DUSP28: variants seen among roughly 807,000 people sequenced by gnomAD.
DUSP28 encodes the protein dual specificity phosphatase 28.
A neutral mutation model predicts 8.4 loss-of-function variants in DUSP28; 11 were observed. The observed-to-expected ratio is 1.31, with a 90% CI of 0.83 to 2.17. The LOEUF (loss-of-function observed/expected upper bound fraction) is 2.17, where lower values mean the gene tolerates loss of function less well. DUSP28 is among the 30% of genes most tolerant of loss of function. DUSP28 has a pLI of 0.00. For missense variants in DUSP28, 373 were observed against 270.4 expected (o/e 1.38, Z -2.66); for synonymous variants, 178 against 130.9 (o/e 1.36, Z -2.46).
Position 240,560,383 on chromosome 2 carries a change from C to T in DUSP28, c.-302C>T. 1 of 275,014 alleles carries T rather than the reference C, an allele frequency of 3.6e-6. No homozygotes were observed. Among genetic ancestry groups the T allele is most frequent in the Non-Finnish European group, 6.7e-6 (1 of 149,444 alleles). 17.0% of individuals were successfully genotyped at this position (275,014 alleles called of 1,614,324 possible). Reference sequence around the variant, plus strand: ...CAGACGCAAGCCCAGTGCCACAGGCCGCGGGGGCGGGGAGGACGGCGCCCG... The same window carrying T: ...CAGACGCAAGCCCAGTGCCACAGGCTGCGGGGGCGGGGAGGACGGCGCCCG... On this transcript the variant is annotated 5_prime_UTR_variant, in exon 1 of 2. Coordinates refer to ENST00000405954, the MANE Select transcript of DUSP28 (RefSeq NM_001370465.2).
rs1306753915 is a variant in DUSP28 at position 240,560,989 on chromosome 2, A to C, written c.305A>C (p.Tyr102Ser). ...CGCGCCGGCGGCGCCTGCCTAGTCTACTGCAAGAACGGCCGCAGCCGCTCG... is the reference window on the plus strand; with the variant it reads ...CGCGCCGGCGGCGCCTGCCTAGTCTCCTGCAAGAACGGCCGCAGCCGCTCG... ...AVRAGGACLV[Y>S]CKNGRSRSAA... Residue 102 changes from tyrosine to serine, a missense_variant, in exon 1 of 2, where the codon TAC (tyrosine) becomes TCC (serine). Tyr to Ser is a moderately radical substitution (Grantham distance 144). Transcript: ENST00000405954. 2 of 1,543,824 alleles carry C rather than the reference A, an allele frequency of 1.3e-6. No individual in the cohort carries two copies. Among genetic ancestry groups the C allele is most frequent in the South Asian group, 1.2e-5 (1 of 85,350 alleles).
In DUSP28 at chr2:240,561,453, G is replaced by T; in HGVS notation, c.517G>T (p.Gly173Cys). The T allele has an allele frequency of 6.2e-7, 1 of 1,613,300 alleles. No homozygotes were observed. The highest frequency in any genetic ancestry group is 8.5e-7 in the Non-Finnish European group (1 of 1,179,870). The change falls in exon 2 of 2, where the codon GGC (glycine) becomes TGC (cysteine). Residue 173 changes from glycine to cysteine, a missense_variant. Gly to Cys is a radical substitution (Grantham distance 159). Transcript: ENST00000405954. ...LQGEPPALGL[G>C]PEA The stretch of plus-strand genomic sequence containing the variant: ...GGGAGAGCCCCCAGCCTTAGGGTTG[G>T]GCCCTGAGGCTTGAAGCTTGAAGGC...
Position 240,560,548 on chromosome 2 carries a change from C to T in DUSP28, c.-137C>T. Reference sequence around the variant, plus strand: ...GCCCGCGGGGGACCCAAGCCCCAGCCTGGTCCACCTCGGAGGCCTCTAGGA... The same window carrying T: ...GCCCGCGGGGGACCCAAGCCCCAGCTTGGTCCACCTCGGAGGCCTCTAGGA... On this transcript the variant is annotated 5_prime_UTR_variant, in exon 1 of 2. Coordinates refer to ENST00000405954, the MANE Select transcript of DUSP28 (RefSeq NM_001370465.2). 8.1e-7 allele frequency: 1 copy of T among 1,235,318 alleles called. No homozygotes were observed. Among genetic ancestry groups the T allele is most frequent in the Non-Finnish European group, 1.0e-6 (1 of 967,470 alleles). 76.5% of individuals were successfully genotyped at this position (1,235,318 alleles called of 1,614,324 possible). A position where few individuals can be genotyped will look rare whatever the true frequency, so the allele number is the denominator to read the frequency against.
rs896494258 is a variant in DUSP28 at position 240,562,829 on chromosome 2, G to A, written c.*1362G>A. 3.3e-5 allele frequency: 5 copies of A among 153,018 alleles called. No individual in the cohort carries two copies. The highest frequency in any genetic ancestry group is 1.2e-4 in the African/African-American group (5 of 41,464). 9.5% of individuals were successfully genotyped at this position (153,018 alleles called of 1,614,324 possible). On this transcript the variant is annotated 3_prime_UTR_variant, in exon 2 of 2. Transcript: ENST00000405954. ...TGAGATTGAATGTGCTGGCCATGGT[G>A]TGGACACTATTTACTTTATAATGCA...
rs2092994088 is a variant in DUSP28 at position 240,563,810 on chromosome 2, C to G, written c.*2343C>G. 1 of 152,406 alleles carries G rather than the reference C, an allele frequency of 6.6e-6. No homozygotes were observed. The highest frequency in any genetic ancestry group is 2.1e-4 in the South Asian group (1 of 4,838). The allele number at this position is 152,406 out of a possible 1,614,324, so 9.4% of individuals were successfully genotyped here. A position where few individuals can be genotyped will look rare whatever the true frequency, so the allele number is the denominator to read the frequency against. On this transcript the variant is annotated 3_prime_UTR_variant, in exon 2 of 2. Coordinates refer to ENST00000405954, the MANE Select transcript of DUSP28 (RefSeq NM_001370465.2). Reference sequence around the variant, plus strand: ...CCTTCACAGTGTCACCCACATTCACCTCTTTCCACTTAAACGTGTCCCATG... The same window carrying G: ...CCTTCACAGTGTCACCCACATTCACGTCTTTCCACTTAAACGTGTCCCATG...
In DUSP28 at chr2:240,560,913, G is replaced by A. The variant is rs756613284; in HGVS notation, c.229G>A (p.Asp77Asn). 131 of 1,535,356 alleles carry A rather than the reference G, an allele frequency of 8.5e-5. No homozygotes were observed. Among genetic ancestry groups the A allele is most frequent in the Non-Finnish European group, 1.1e-4 (128 of 1,154,586 alleles). ...RVPVFDDPAE[D>N]LLAHLEPTCA... ...GCCCGTGTTCGACGACCCGGCTGAGGACCTGCTGGCGCACCTGGAGCCCAC... is the reference window on the plus strand; with the variant it reads ...GCCCGTGTTCGACGACCCGGCTGAGAACCTGCTGGCGCACCTGGAGCCCAC... The change falls in exon 1 of 2, where the codon GAC (aspartate) becomes AAC (asparagine). Residue 77 changes from aspartate (D) to asparagine (N), a missense_variant. Transcript: ENST00000405954.
Position 240,561,555 on chromosome 2 carries a change from A to G in DUSP28, c.*88A>G, listed in dbSNP as rs1446904646. 1 of 1,475,222 alleles carries G rather than the reference A, an allele frequency of 6.8e-7. No individual in the cohort carries two copies. 91.4% of individuals were successfully genotyped at this position (1,475,222 alleles called of 1,614,324 possible). On this transcript the variant is annotated 3_prime_UTR_variant, in exon 2 of 2. Transcript: ENST00000405954. The stretch of plus-strand genomic sequence containing the variant: ...ACCCTTCTTCCTCACTGTCATATCG[A>G]GTTTTCCTTTGTGTGTGTGTGTGTG...
At position 240,561,317 on chromosome 2, in the gene DUSP28, T is replaced by C. The variant is rs778798962; in HGVS notation, c.394-13T>C. On this transcript the variant is annotated splice_polypyrimidine_tract_variant and intron_variant, in intron 1 of 1. Coordinates refer to ENST00000405954, the MANE Select transcript of DUSP28 (RefSeq NM_001370465.2). The stretch of plus-strand genomic sequence containing the variant: ...CGCGACTTGGGGTTATTCAGTACAC[T>C]TCTTGTTTGCAGATGGTGAAGAGCG... 2 of 1,613,754 alleles carry C rather than the reference T, an allele frequency of 1.2e-6. No individual in the cohort carries two copies. The highest frequency in any genetic ancestry group is 2.2e-5 in the South Asian group (2 of 91,076).
Position 240,562,085 on chromosome 2 carries a change from C to CA in DUSP28, c.*618_*619insA, listed in dbSNP as rs1007800414. On this transcript the variant is annotated 3_prime_UTR_variant, in exon 2 of 2. Coordinates refer to ENST00000405954, the MANE Select transcript of DUSP28 (RefSeq NM_001370465.2). The stretch of plus-strand genomic sequence containing the variant: ...GGACATCCTTTTTCTTTCTCTCTTT[C>CA]TTTTTTTTTGTTTGTTTGTTTGAGA... The CA allele has an allele frequency of 6.6e-6, 1 of 151,260 alleles. No individual in the cohort carries two copies. Among genetic ancestry groups the CA allele is most frequent in the Non-Finnish European group, 1.5e-5 (1 of 67,764 alleles). 9.4% of individuals were successfully genotyped at this position (151,260 alleles called of 1,614,324 possible).
In DUSP28 at chr2:240,560,725, C is replaced by A. The variant is rs936941613; in HGVS notation, c.41C>A (p.Pro14His). The change falls in exon 1 of 2, where the codon CCC (proline) becomes CAC (histidine). Residue 14 changes from proline (P) to histidine (H), a missense_variant. Coordinates refer to ENST00000405954, the MANE Select transcript of DUSP28 (RefSeq NM_001370465.2). Reference sequence around the variant, plus strand: ...GCTGGGCGCCGCGGGGCCGCCTCGCCCGTACCTCCACCGTTGGTGCGCGTC... The same window carrying A: ...GCTGGGCGCCGCGGGGCCGCCTCGCACGTACCTCCACCGTTGGTGCGCGTC... ...AEAGRRGAAS[P>H]VPPPLVRVAP... 6.6e-7 allele frequency: 1 copy of A among 1,524,850 alleles called. No individual in the cohort carries two copies. The highest frequency in any genetic ancestry group is 1.2e-5 in the South Asian group (1 of 83,094). The allele number at this position is 1,524,850 out of a possible 1,614,324, so 94.5% of individuals were successfully genotyped here.
At position 240,562,718 on chromosome 2, in the gene DUSP28, G is replaced by A. The variant is rs2092986854; in HGVS notation, c.*1251G>A. 1 of 152,220 alleles carries A rather than the reference G, an allele frequency of 6.6e-6. No individual in the cohort carries two copies. The highest frequency in any genetic ancestry group is 2.1e-4 in the South Asian group (1 of 4,832). The allele number at this position is 152,220 out of a possible 1,614,324, so 9.4% of individuals were successfully genotyped here. ...TGTTGCACCATAAATGACACCTGCAGTGGTACTTGTTAAATGTCTTAACAT... is the reference window on the plus strand; with the variant it reads ...TGTTGCACCATAAATGACACCTGCAATGGTACTTGTTAAATGTCTTAACAT... On this transcript the variant is annotated 3_prime_UTR_variant, in exon 2 of 2. Coordinates refer to ENST00000405954, the MANE Select transcript of DUSP28 (RefSeq NM_001370465.2).
Position 240,560,443 on chromosome 2 carries a change from G to A in DUSP28, c.-242G>A. On this transcript the variant is annotated 5_prime_UTR_variant, in exon 1 of 2. Coordinates refer to ENST00000405954, the MANE Select transcript of DUSP28 (RefSeq NM_001370465.2). ...AACATGGGACGCAGAGCGGTCCAAG[G>A]CCCCGGCGCCCTGGTGAGGCCCAAA... The A allele has an allele frequency of 2.1e-6, 1 of 471,394 alleles. No individual in the cohort carries two copies. The highest frequency in any genetic ancestry group is 3.4e-6 in the Non-Finnish European group (1 of 294,894). 29.2% of individuals were successfully genotyped at this position (471,394 alleles called of 1,614,324 possible).
rs1377135266 is a variant in DUSP28 at position 240,563,125 on chromosome 2, CTT to C, written c.*1659_*1660del. The stretch of plus-strand genomic sequence containing the variant: ...TTGTCACTTTCTTAATCTCTGATCT[CTT>C]GAGGTGATTTGACAGAATTCTGCAG... On this transcript the variant is annotated 3_prime_UTR_variant, in exon 2 of 2. Transcript: ENST00000405954. The C allele has an allele frequency of 4.6e-5, 7 of 152,296 alleles. No homozygotes were observed. Among genetic ancestry groups the C allele is most frequent in the African/African-American group, 1.4e-4 (6 of 41,442 alleles). The allele number at this position is 152,296 out of a possible 1,614,324, so 9.4% of individuals were successfully genotyped here. A position where few individuals can be genotyped will look rare whatever the true frequency, so the allele number is the denominator to read the frequency against.
Position 240,561,847 on chromosome 2 carries a change from T to G in DUSP28, c.*380T>G, listed in dbSNP as rs2092967194. ...GGAAAAGCAACTCTTCTTGTGTTTA[T>G]TTTTAGTAGTGTCATAAGAACGGAC... On this transcript the variant is annotated 3_prime_UTR_variant, in exon 2 of 2. Coordinates refer to ENST00000405954, the MANE Select transcript of DUSP28 (RefSeq NM_001370465.2). 6.0e-6 allele frequency: 1 copy of G among 166,800 alleles called. No homozygotes were observed. Among genetic ancestry groups the G allele is most frequent in the Admixed American group, 6.3e-5 (1 of 15,842 alleles). The allele number at this position is 166,800 out of a possible 1,614,324, so 10.3% of individuals were successfully genotyped here. A position where few individuals can be genotyped will look rare whatever the true frequency, so the allele number is the denominator to read the frequency against.
In DUSP28 at chr2:240,561,513, A is replaced by G. The variant is rs1442254807; in HGVS notation, c.*46A>G. Reference sequence around the variant, plus strand: ...GGAGGAAGGATGTCCCTGCACTGATACAGAAGGCTGGTCTTTACCCTTCTT... The same window carrying G: ...GGAGGAAGGATGTCCCTGCACTGATGCAGAAGGCTGGTCTTTACCCTTCTT... On this transcript the variant is annotated 3_prime_UTR_variant, in exon 2 of 2. Coordinates refer to ENST00000405954, the MANE Select transcript of DUSP28 (RefSeq NM_001370465.2). 13 of 1,573,932 alleles carry G rather than the reference A, an allele frequency of 8.3e-6. No individual in the cohort carries two copies. Among genetic ancestry groups the G allele is most frequent in the Middle Eastern group, 1.7e-4 (1 of 5,932 alleles).
At position 240,562,682 on chromosome 2, in the gene DUSP28, C is replaced by G. The variant is rs570515925; in HGVS notation, c.*1215C>G. ...CTGGGGTAATTAAAATATCAGGGCT[C>G]GGATGGAAGGTGTTGCACCATAAAT... On this transcript the variant is annotated 3_prime_UTR_variant, in exon 2 of 2. Transcript: ENST00000405954. The G allele has an allele frequency of 1.3e-5, 2 of 152,220 alleles. No individual in the cohort carries two copies. Among genetic ancestry groups the G allele is most frequent in the African/African-American group, 4.8e-5 (2 of 41,530 alleles). 9.4% of individuals were successfully genotyped at this position (152,220 alleles called of 1,614,324 possible).
In DUSP28 at chr2:240,562,941, TATAAG is replaced by T. The variant is rs2092989451; in HGVS notation, c.*1477_*1481del. The T allele has an allele frequency of 6.5e-6, 1 of 154,142 alleles. No homozygotes were observed. The highest frequency in any genetic ancestry group is 1.5e-5 in the Non-Finnish European group (1 of 68,042). The allele number at this position is 154,142 out of a possible 1,614,324, so 9.5% of individuals were successfully genotyped here. ...CAGACTAATGGGGATGAGGTACTGT[TATAAG>T]ATGATGAACACCAGTATGTCAAACA... On this transcript the variant is annotated 3_prime_UTR_variant, in exon 2 of 2. Coordinates refer to ENST00000405954, the MANE Select transcript of DUSP28 (RefSeq NM_001370465.2).
intron 1 of DUSP28, 106 bp downstream of exon 1, chr2:240,561,183 G>C: frequency 6.7e-7 from 1 of 1,492,950 alleles, no homozygotes; most frequent in Non-Finnish European, 8.9e-7. Context: ...CTTCCGGGAG[G>C]GGCGGGTCTC....
At position 240,560,923 on chromosome 2, in the gene DUSP28, C is replaced by T. The variant is rs1438152141; in HGVS notation, c.239C>T (p.Ala80Val). ...GACGACCCGGCTGAGGACCTGCTGG[C>T]GCACCTGGAGCCCACGTGCGCCGCC... ...VFDDPAEDLL[A>V]HLEPTCAAME... Residue 80 changes from alanine to valine, a missense_variant, in exon 1 of 2, where the codon GCG becomes GTG. By Grantham distance (64) the Ala-to-Val change is moderately conservative. Coordinates refer to ENST00000405954, the MANE Select transcript of DUSP28 (RefSeq NM_001370465.2). The T allele has an allele frequency of 2.0e-6, 3 of 1,535,620 alleles. No individual in the cohort carries two copies. The highest frequency in any genetic ancestry group is 1.7e-6 in the Non-Finnish European group (2 of 1,154,584).
Sources: gnomAD v4.1 joint callset for allele counts on GRCh38, gnomAD v4.1.1 for gene constraint, MANE v1.5 for transcripts, NCBI Gene and HGNC (gene_info 2026-07-23, HGNC 2026-07-21) for gene names.